ANKRD55: variants seen among roughly 807,000 people sequenced by gnomAD.
ANKRD55 encodes ankyrin repeat domain-containing protein 55.
In ANKRD55, 41 loss-of-function variants were observed where a neutral mutation model predicts 60.6. The ratio of observed to expected loss-of-function variants is 0.68; its 90% CI spans 0.53 to 0.88. The LOEUF (loss-of-function observed/expected upper bound fraction) is 0.88. Ranked by LOEUF, ANKRD55 falls within the 40% of genes least tolerant of loss-of-function variation. The pLI is 0.00. For missense variants in ANKRD55, 732 were observed against 767.6 expected (o/e 0.95, Z 0.55); for synonymous variants, 264 against 290.3 (o/e 0.91, Z 0.92).
intron 2 of ANKRD55, among the ~76,000 whole-genome samples, chr5:56,207,324 A>G (rs1046526564): frequency 2.0e-5 from 3 of 152,246 alleles, no homozygotes; most frequent in Non-Finnish European, 1.5e-5. Flanking sequence ...ATCTGAGGGC[A>G]TAGAAAGATT....
intron 7 of ANKRD55, among the ~76,000 whole-genome samples, chr5:56,132,424 C>CAAAAAAAAAAAAAAAAAAAAAAA (rs34289990): frequency 2.5e-5 from 3 of 120,372 alleles, no homozygotes; most frequent in African/African-American, 1.1e-4. Context: ...ACTTAAAATA[C>CAAAAAAAAAAAAAAAAAAAAAAA]AAAAAAAAAA....
intron 5 of ANKRD55, among the ~76,000 whole-genome samples, chr5:56,165,283 TGTG>T (rs1262663859): frequency 6.6e-6 from 1 of 152,178 alleles, no homozygotes; most frequent in African/African-American, 2.4e-5. Context: ...GCAGTAAACC[TGTG>T]TGCCCGGCAG....
At chr5:56,192,744 A>G (rs1366904814) in intron 2 of ANKRD55, 5 of 1,312,352 alleles carry the variant, frequency 3.8e-6, no homozygotes, top group African/African-American at 1.5e-5. Flanking sequence ...ATGAACTTCA[A>G]TGCAGATTCT....
At position 56,159,890 on chromosome 5, in the gene ANKRD55, G is replaced by C. The variant is rs1272960919; in HGVS notation, c.426C>G (p.Leu142=). ...HAATAEPDMR[L]LTVLLQQSNI... ...TCGACTGTTGCAACAGGACCGTGAG[G>C]AGCCTGTAAGGAAAAAATAGGAGAA... is the stretch of plus-strand genomic sequence containing the variant. The change falls in exon 6 of 12, where the codon CTC becomes CTG. Residue 142 remains leucine, a synonymous_variant. Transcript: ENST00000341048. The C allele has an allele frequency of 2.5e-6, 4 of 1,613,340 alleles. No homozygotes were observed. The African/African-American group carries it at 4.0e-5, about 16-fold the overall frequency.
At chr5:56,155,220 TA>T (rs35522199) in intron 6 of ANKRD55, among the ~76,000 whole-genome samples, 117,647 of 141,124 alleles carry the variant, frequency 0.83, 48,952 homozygotes, top group Non-Finnish European at 0.88. Context: ...GAGACTGTCT[TA>T]AAAAAAAAAA....
chr5:56,104,086 G>A (rs1756374856), intron 10 of ANKRD55, among the ~76,000 whole-genome samples: 2 of 152,064 alleles, frequency 1.3e-5, no homozygotes, highest in Admixed American at 6.6e-5. Flanking sequence ...ATTTATATTA[G>A]CGAACAACTA....
intron 2 of ANKRD55, among the ~76,000 whole-genome samples, chr5:56,196,595 G>A (rs1283823833): frequency 3.9e-5 from 6 of 152,108 alleles, no homozygotes; most frequent in Admixed American, 6.5e-5. Context: ...TATTCAAACC[G>A]TGTGTGTTCA....
intron 4 of ANKRD55, among the ~76,000 whole-genome samples, chr5:56,171,198 T>C (rs1441905630): frequency 2.0e-5 from 3 of 152,198 alleles, no homozygotes; most frequent in Non-Finnish European, 4.4e-5. Context: ...TCAGTCCCCC[T>C]CCCAGTGCCT....
At chr5:56,162,364 C>T (rs1758353038) in intron 5 of ANKRD55, among the ~76,000 whole-genome samples, 1 of 152,194 alleles carries the variant, frequency 6.6e-6, no homozygotes, top group Non-Finnish European at 1.5e-5. Context: ...ACCGCATCAA[C>T]CAGGCTCCCT....
chr5:56,153,673 A>C (rs943764918), intron 6 of ANKRD55, among the ~76,000 whole-genome samples: 1 of 151,662 alleles, frequency 6.6e-6, no homozygotes, highest in Non-Finnish European at 1.5e-5. Flanking sequence ...CCCTGTCTCT[A>C]CTAATATACA....
At position 56,229,970 on chromosome 5, in the gene ANKRD55, T is replaced by C. The variant is rs1760209877; in HGVS notation, c.58+2886A>G. ...GTGGAAGAGGGGTAGGTTGGATGAC[T>C]GGTTCTGCATCTTTGCTGTCCATGA... is the stretch of plus-strand genomic sequence containing the variant. On this transcript the variant is annotated intron_variant, in intron 2 of 11. Coordinates refer to ENST00000341048, the MANE Select transcript of ANKRD55 (RefSeq NM_024669.3). Among the ~76,000 whole-genome samples, 3 of 152,356 alleles carry C rather than the reference T, an allele frequency of 2.0e-5. No individual in the cohort carries two copies. In the South Asian group the frequency reaches 6.2e-4, roughly 32 times the overall value.
rs1389501755 is a variant in ANKRD55, at chr5:56,166,215, C to CTT, written c.422+4478_422+4479insAA. On this transcript the variant is annotated intron_variant, in intron 5 of 11. Transcript: ENST00000341048. The stretch of plus-strand genomic sequence containing the variant: ...CTTCCTTCCTTCTCTCTCTCTCTCT[C>CTT]TCTTTCTTTCTTTCTTTCTCTCTAT... 4.6e-4 allele frequency among the ~76,000 whole-genome samples: 60 copies of CTT among 129,566 alleles called. 1 individual carries two copies. Among genetic ancestry groups the CTT allele is most frequent in the Non-Finnish European group, 4.4e-4 (28 of 63,544 alleles). 85.0% of individuals were successfully genotyped at this position (129,566 alleles called of 152,430 possible).
chr5:56,228,112 C>T (rs928364874), intron 2 of ANKRD55, among the ~76,000 whole-genome samples: 3 of 152,172 alleles, frequency 2.0e-5, no homozygotes, highest in Non-Finnish European at 4.4e-5. Flanking sequence ...AACCTCTAAT[C>T]CTGGAACCTG....
intron 9 of ANKRD55, among the ~76,000 whole-genome samples, chr5:56,112,905 A>T (rs1756775430): frequency 6.6e-6 from 1 of 152,216 alleles, no homozygotes; most frequent in African/African-American, 2.4e-5. Flanking sequence ...TCTACAGGTC[A>T]CACAGTGCAT....
intron 2 of ANKRD55, among the ~76,000 whole-genome samples, chr5:56,187,647 C>T (rs1459470068): frequency 6.6e-6 from 1 of 152,278 alleles, no homozygotes; most frequent in Non-Finnish European, 1.5e-5. Flanking sequence ...GCACCCATTG[C>T]TGCTCCCAAT....
chr5:56,118,875 C>A (rs760582625), intron 8 of ANKRD55, among the ~76,000 whole-genome samples: 4 of 151,746 alleles, frequency 2.6e-5, no homozygotes, highest in Non-Finnish European at 5.9e-5. Flanking sequence ...ATAAGAAAAA[C>A]AAACAAACAA....
intron 3 of ANKRD55, among the ~76,000 whole-genome samples, 160 bp downstream of exon 3, chr5:56,183,352 A>T (rs887079789): frequency 6.6e-6 from 1 of 152,156 alleles, no homozygotes; most frequent in African/African-American, 2.4e-5. Flanking sequence ...ACAAACTCAA[A>T]CTGATGACTT....
At chr5:56,168,850 T>G (rs1017063608) in intron 5 of ANKRD55, among the ~76,000 whole-genome samples, 1 of 152,232 alleles carries the variant, frequency 6.6e-6, no homozygotes, top group Non-Finnish European at 1.5e-5. Context: ...GATGGTTACA[T>G]GTCTGATAAA....
chr5:56,198,066 A>C (rs1759266699), intron 2 of ANKRD55, among the ~76,000 whole-genome samples: 1 of 152,138 alleles, frequency 6.6e-6, no homozygotes, highest in Non-Finnish European at 1.5e-5. Context: ...TTTTATTACT[A>C]ATTCCCATTT....
Sources: gnomAD v4.1 joint callset for allele counts (sites outside exome capture counted in the v4.1 genomes callset) on GRCh38, gnomAD v4.1.1 for gene constraint, MANE v1.5 for transcripts, NCBI Gene and HGNC (gene_info 2026-07-23, HGNC 2026-07-21) for gene names.